SAXO4: variants seen among roughly 807,000 people sequenced by gnomAD.
SAXO4 encodes the protein stabilizer of axonemal microtubules 4.
At chr11:61,484,591 C>T in the SAXO4 span, 1 of 1,495,284 alleles carries the variant, frequency 6.7e-7, no homozygotes, top group Non-Finnish European at 9.0e-7. Flanking sequence ...CCTCTGGCTG[C>T]TCTGCAGATA....
the SAXO4 span, chr11:61,482,446 C>A: frequency 1.9e-6 from 3 of 1,603,038 alleles, no homozygotes; most frequent in African/African-American, 4.0e-5. Flanking sequence ...CTGTATGGCC[C>A]CTTCCCAGCC....
At chr11:61,489,842 G>A in the SAXO4 span, 3 of 1,613,852 alleles carry the variant, frequency 1.9e-6, no homozygotes, top group African/African-American at 2.7e-5. Flanking sequence ...GTGGCATCCA[G>A]CCCCAGATGC....
the SAXO4 span, chr11:61,489,800 C>G: frequency 6.2e-7 from 1 of 1,614,002 alleles, no homozygotes; most frequent in Non-Finnish European, 8.5e-7. Context: ...AGAACATCCC[C>G]AAGGGTCTAG....
At chr11:61,487,010 G>A in the SAXO4 span, 7 of 1,613,992 alleles carry the variant, frequency 4.3e-6, no homozygotes, top group African/African-American at 1.3e-5. Flanking sequence ...CACTTCATCG[G>A]ATGCAACAGA....
At chr11:61,490,448 G>GTCCATGCC in the SAXO4 span, 6 of 1,506,556 alleles carry the variant, frequency 4.0e-6, no homozygotes, top group African/African-American at 8.3e-5. Flanking sequence ...AGAAGACAAG[G>GTCCATGCC]TCCATGCCCT....
chr11:61,486,244 G>A, the SAXO4 span: 1 of 1,287,270 alleles, frequency 7.8e-7, no homozygotes, highest in Non-Finnish European at 1.1e-6. Context: ...GTCCTCCTCT[G>A]TGCTCAGCAC....
At chr11:61,486,737 C>T in the SAXO4 span, 2 of 1,005,086 alleles carry the variant, frequency 2.0e-6, no homozygotes, top group Non-Finnish European at 3.0e-6. Context: ...GAGGTAGGCC[C>T]TCAGGTGGAG....
chr11:61,487,040 C>T, the SAXO4 span: 2 of 1,614,052 alleles, frequency 1.2e-6, no homozygotes, highest in African/African-American at 1.3e-5. Context: ...CCCTGCTTGG[C>T]CGGGAGACTG....
the SAXO4 span, chr11:61,482,313 C>A: frequency 2.5e-6 from 4 of 1,613,876 alleles, no homozygotes; most frequent in South Asian, 4.4e-5. Flanking sequence ...TCTGGCAGGT[C>A]GGGAGGATTT....
chr11:61,486,520 C>G, the SAXO4 span: 51 of 1,613,826 alleles, frequency 3.2e-5, no homozygotes, highest in Non-Finnish European at 3.9e-5. Context: ...TTTGCTCCCT[C>G]CAGGGAGATG....
chr11:61,487,102 C>A, the SAXO4 span: 1 of 1,611,824 alleles, frequency 6.2e-7, no homozygotes, highest in Non-Finnish European at 8.5e-7. Context: ...CAAATCCCCA[C>A]CCCTTCTGAC....
chr11:61,481,869 C>A, the SAXO4 span: 1 of 1,569,330 alleles, frequency 6.4e-7, no homozygotes, highest in South Asian at 1.2e-5. Flanking sequence ...GTTCGGGGGG[C>A]TACACGGACC....
At chr11:61,490,683 C>A in the SAXO4 span, 11 of 1,069,790 alleles carry the variant, frequency 1.0e-5, no homozygotes, top group South Asian at 1.3e-4. Context: ...GCAAGTCCTG[C>A]CTGGGGACCC....
the SAXO4 span, among the ~76,000 whole-genome samples, chr11:61,481,523 C>T: frequency 6.6e-5 from 10 of 152,324 alleles, no homozygotes; most frequent in East Asian, 1.9e-3. Flanking sequence ...CACTTGGAAC[C>T]TCACTGTCCC....
chr11:61,483,941 TA>T, the SAXO4 span, among the ~76,000 whole-genome samples: 1 of 150,048 alleles, frequency 6.7e-6, no homozygotes. Flanking sequence ...AGACTTGGAC[TA>T]AAAAAAAATA....
the SAXO4 span, chr11:61,485,909 C>G: frequency 6.2e-7 from 1 of 1,611,022 alleles, no homozygotes; most frequent in Non-Finnish European, 8.5e-7. Context: ...CCCTGGGGAC[C>G]CTGTAAGTCG....
chr11:61,487,294 A>G, the SAXO4 span: 1 of 1,452,698 alleles, frequency 6.9e-7, no homozygotes, highest in Admixed American at 1.7e-5. Context: ...ACAGACTGAG[A>G]CTGGGATAAG....
the SAXO4 span, chr11:61,485,836 G>C: frequency 6.2e-7 from 1 of 1,614,040 alleles, no homozygotes; most frequent in African/African-American, 1.3e-5. Flanking sequence ...CAAAGGAGGG[G>C]AGTGGCTTCA....
At chr11:61,484,937 AG>A in the SAXO4 span, 1 of 1,260,670 alleles carries the variant, frequency 7.9e-7, no homozygotes, top group Non-Finnish European at 1.1e-6. Context: ...GGGTGGGCTC[AG>A]GGCGCCAAGA....
Sources: allele counts gnomAD v4.1 joint callset (sites outside exome capture counted in the v4.1 genomes callset), GRCh38; gene constraint gnomAD v4.1.1; transcripts MANE v1.5; gene names NCBI Gene and HGNC (gene_info 2026-07-23, HGNC 2026-07-21).